MCTP1: variants seen among roughly 807,000 people sequenced by gnomAD.
MCTP1 encodes multiple C2 and transmembrane domain-containing protein 1.
In MCTP1, 69 loss-of-function variants were observed where a neutral mutation model predicts 120.6. The observed-to-expected ratio is 0.57, with a 90% CI of 0.47 to 0.70. The LOEUF (loss-of-function observed/expected upper bound fraction) is 0.70, where lower values mean the gene tolerates loss of function less well. Ranked by LOEUF, MCTP1 falls within the 30% of genes least tolerant of loss-of-function variation. The probability of loss-of-function intolerance (pLI) is 0.00; values close to 1 mark genes in which losing one functional copy is unlikely to be tolerated. For missense variants in MCTP1, 1,203 were observed against 1,248.8 expected, an observed-to-expected ratio of 0.96 and a Z score of 0.55; for synonymous variants, 529 against 493.1, an observed-to-expected ratio of 1.07 and a Z score of -0.96.
At chr5:94,897,116 G>A (rs1408366869) in intron 10 of MCTP1, among the ~76,000 whole-genome samples, 1 of 152,062 alleles carries the variant, frequency 6.6e-6, no homozygotes, top group Non-Finnish European at 1.5e-5. Context: ...GAGTGCAGTG[G>A]TGCGATCATG....
chr5:94,953,742 C>G (rs816871), intron 2 of MCTP1, among the ~76,000 whole-genome samples: 5,999 of 143,612 alleles, frequency 0.042, 163 homozygotes, highest in East Asian at 0.088. Context: ...GACTATTGGG[C>G]TAAAATGTGA....
At chr5:94,838,937 C>G (rs998207014) in intron 17 of MCTP1, among the ~76,000 whole-genome samples, 1 of 152,152 alleles carries the variant, frequency 6.6e-6, no homozygotes, top group Admixed American at 6.5e-5. Context: ...TTAAAATTCT[C>G]TAAGCAGTAT....
At chr5:94,786,849 TATTAAA>T (rs1275350186) in intron 18 of MCTP1, among the ~76,000 whole-genome samples, 3 of 152,246 alleles carry the variant, frequency 2.0e-5, no homozygotes, top group Non-Finnish European at 4.4e-5. Flanking sequence ...GTCCATTAAA[TATTAAA>T]ATTATGTTTC....
intron 2 of MCTP1, among the ~76,000 whole-genome samples, chr5:94,957,316 C>T (rs1300002328): frequency 3.9e-5 from 6 of 152,042 alleles, no homozygotes; most frequent in East Asian, 1.9e-4. Flanking sequence ...AAAAACAAAC[C>T]GAGATGTAAA....
chr5:95,174,564 G>T (rs1201830487), intron 1 of MCTP1, among the ~76,000 whole-genome samples: 1 of 152,156 alleles, frequency 6.6e-6, no homozygotes, highest in Admixed American at 6.5e-5. Context: ...AACAGAAAAT[G>T]TCTGTCTCAT....
intron 1 of MCTP1, among the ~76,000 whole-genome samples, chr5:95,208,865 C>T (rs1355517953): frequency 1.3e-5 from 2 of 152,156 alleles, no homozygotes; most frequent in Admixed American, 6.6e-5. Context: ...CCAAAGAACT[C>T]TCAATTTTCA....
At position 94,953,307 on chromosome 5, in the gene MCTP1, C is replaced by T; in HGVS notation, c.893G>A (p.Ser298Asn). ...GTTGAGGTTCTTGTGTATTATCTTA[C>T]TTCTAAAAACTTCTTTTCCTCCGAT... is the stretch of plus-strand genomic sequence containing the variant. ...FKIGGKEVFRSKIIHKNLNPV... is the reference protein window; with the variant it reads ...FKIGGKEVFRNKIIHKNLNPV... Residue 298 changes from serine to asparagine, a missense_variant, in exon 3 of 23, where the codon AGT becomes AAT. Physicochemically the swap from Ser to Asn is conservative, Grantham distance 46. This residue lies in a region of MCTP1 where 740 missense variants were observed against 871.1 expected (regional missense o/e 0.85). Transcript: ENST00000515393. The T allele has an allele frequency of 6.2e-7, 1 of 1,611,088 alleles. No homozygotes were observed. Among genetic ancestry groups the T allele is most frequent in the Non-Finnish European group, 8.5e-7 (1 of 1,178,360 alleles).
chr5:95,044,203 AG>A (rs1343830161), intron 1 of MCTP1, among the ~76,000 whole-genome samples: 2 of 152,206 alleles, frequency 1.3e-5, no homozygotes, highest in Non-Finnish European at 2.9e-5. Flanking sequence ...GTCCACAGAA[AG>A]GGACTCTAGA....
intron 1 of MCTP1, among the ~76,000 whole-genome samples, chr5:95,182,243 A>C (rs1748680931): frequency 6.6e-6 from 1 of 152,136 alleles, no homozygotes. Flanking sequence ...CTTCCCCTTA[A>C]AGGAATTCTC....
intron 1 of MCTP1, among the ~76,000 whole-genome samples, chr5:95,103,919 G>A (rs1048716378): frequency 1.3e-5 from 2 of 152,142 alleles, no homozygotes; most frequent in Non-Finnish European, 2.9e-5. Context: ...GGTTAAACGT[G>A]TAAGATTTGG....
intron 1 of MCTP1, among the ~76,000 whole-genome samples, chr5:95,145,709 T>C (rs1311359057): frequency 1.3e-5 from 2 of 152,194 alleles, no homozygotes; most frequent in Non-Finnish European, 2.9e-5. Flanking sequence ...TTTGCATATG[T>C]TGAACCAACC....
chr5:95,231,089 T>C (rs889009459), intron 1 of MCTP1, among the ~76,000 whole-genome samples: 4 of 152,192 alleles, frequency 2.6e-5, no homozygotes, highest in Non-Finnish European at 5.9e-5. Context: ...TATTGCTTTT[T>C]GCATACAGTG....
chr5:95,059,806 T>C (rs1748454225), intron 1 of MCTP1, among the ~76,000 whole-genome samples: 1 of 152,174 alleles, frequency 6.6e-6, no homozygotes, highest in Admixed American at 6.5e-5. Flanking sequence ...ATAAGTAGGA[T>C]ACTTTCTATC....
At chr5:94,736,346 T>TG (rs1764229430) in intron 19 of MCTP1, among the ~76,000 whole-genome samples, 1 of 151,940 alleles carries the variant, frequency 6.6e-6, no homozygotes. Flanking sequence ...TAGCTGGGCT[T>TG]GGGGTGCATG....
At chr5:94,837,090 C>G (rs1580953961) in intron 17 of MCTP1, among the ~76,000 whole-genome samples, 3 of 152,094 alleles carry the variant, frequency 2.0e-5, no homozygotes, top group East Asian at 1.9e-4. Context: ...GTTAAGAACA[C>G]AGGGAGGCCC....
At chr5:95,254,103 C>T (rs154066) in intron 1 of MCTP1, among the ~76,000 whole-genome samples, 23,018 of 152,096 alleles carry the variant, frequency 0.15, 1,874 homozygotes, top group Non-Finnish European at 0.19. Context: ...GCTTCAAATA[C>T]TTCCCTTCCC....
intron 2 of MCTP1, among the ~76,000 whole-genome samples, chr5:94,953,844 C>CATATATATAT (rs1561916344): frequency 0.087 from 1,217 of 13,984 alleles, 148 homozygotes; most frequent in Admixed American, 0.14. Flanking sequence ...TATATATATA[C>CATATATATAT]ACAACTATAT....
intron 17 of MCTP1, among the ~76,000 whole-genome samples, chr5:94,836,974 T>C (rs1295989060): frequency 6.6e-6 from 1 of 152,208 alleles, no homozygotes; most frequent in African/African-American, 2.4e-5. Flanking sequence ...AAAGCAAATC[T>C]TGTTGAAATA....
chr5:94,846,817 CTG>C (rs67319075), intron 17 of MCTP1, among the ~76,000 whole-genome samples: 46,214 of 146,574 alleles, frequency 0.32, 8,706 homozygotes, highest in East Asian at 0.9. Flanking sequence ...CTGTGTGTGT[CTG>C]TGTGTGTGTG....
Sources: allele counts gnomAD v4.1 joint callset (sites outside exome capture counted in the v4.1 genomes callset), GRCh38; gene constraint gnomAD v4.1.1; regional missense constraint gnomAD v4.1.1; transcripts MANE v1.5; gene names NCBI Gene and HGNC (gene_info 2026-07-23, HGNC 2026-07-21).